The following ATXN7L1 variants were observed in gnomAD, a reference collection of about 807,000 sequenced individuals.
ATXN7L1 encodes ataxin-7-like protein 1.
ATXN7L1 carries 15 observed loss-of-function variants against 70.8 expected under a neutral mutation model. That is an observed-to-expected ratio of 0.21 (90% CI 0.14 to 0.33). The LOEUF is 0.33. Ranked by LOEUF, ATXN7L1 falls within the 10% of genes least tolerant of loss-of-function variation. ATXN7L1 has a pLI of 1.00. For missense variants in ATXN7L1, 975 were observed against 1,097.1 expected, an observed-to-expected ratio of 0.89 and a Z score of 1.57; for synonymous variants, 440 against 445.1, an observed-to-expected ratio of 0.99 and a Z score of 0.14.
chr7:105,687,497 A>C (rs1286711384), intron 3 of ATXN7L1, among the ~76,000 whole-genome samples: 1 of 152,220 alleles, frequency 6.6e-6, no homozygotes, highest in Non-Finnish European at 1.5e-5. Context: ...GGTGGATCAC[A>C]TGAAGAGGCG....
intron 5 of ATXN7L1, among the ~76,000 whole-genome samples, chr7:105,641,210 CTCTCTTTTTTTTTTTTTTTTTTTTTT>C (rs898946324): frequency 3.3e-5 from 2 of 60,632 alleles, no homozygotes; most frequent in African/African-American, 1.3e-4. Flanking sequence ...CTCTCTCTCT[CTCTCTTTTTTTTTTTTTTTTTTTTTT>C]TTTTTTTTAG....
chr7:105,785,961 G>T (rs562964988), intron 3 of ATXN7L1, among the ~76,000 whole-genome samples: 7 of 152,310 alleles, frequency 4.6e-5, no homozygotes, highest in East Asian at 1.9e-4. Context: ...AGCCTGAACT[G>T]ACTTAGACAA....
chr7:105,754,412 T>C (rs942181404), intron 3 of ATXN7L1, among the ~76,000 whole-genome samples: 14 of 152,060 alleles, frequency 9.2e-5, no homozygotes, highest in African/African-American at 3.4e-4. Flanking sequence ...TTTTTTTTTT[T>C]TAAGAGACAG....
intron 3 of ATXN7L1, among the ~76,000 whole-genome samples, chr7:105,697,644 A>C (rs541058239): frequency 1.6e-4 from 24 of 152,274 alleles, no homozygotes; most frequent in Non-Finnish European, 2.9e-4. Flanking sequence ...AAGAGATTAA[A>C]GCAAAGACAG....
intron 3 of ATXN7L1, among the ~76,000 whole-genome samples, chr7:105,727,777 TACACACACATAC>T (rs1796074867): frequency 5.5e-5 from 5 of 90,174 alleles, no homozygotes; most frequent in South Asian, 3.9e-4. Context: ...TATATATATA[TACACACACATAC>T]ACACATATAT....
At chr7:105,662,539 G>A (rs1801880252) in intron 4 of ATXN7L1, among the ~76,000 whole-genome samples, 1 of 152,168 alleles carries the variant, frequency 6.6e-6, no homozygotes, top group Non-Finnish European at 1.5e-5. Context: ...TTTGCCTTTT[G>A]GGCGAGTGCT....
rs376227271 is a variant in ATXN7L1, at chr7:105,645,807, C to T, written c.579-2686G>A. ...CAGCCTGGGAGACAGAGTGAGACGC[C>T]ACCACAAACAAACAAACAAACAAAC... is the stretch of plus-strand genomic sequence containing the variant. On this transcript the variant is annotated intron_variant, in intron 4 of 11. Coordinates refer to ENST00000419735, the MANE Select transcript of ATXN7L1 (RefSeq NM_020725.2). 3.1e-5 allele frequency among the ~76,000 whole-genome samples: 4 copies of T among 128,312 alleles called. 1 individual carries two copies. Among genetic ancestry groups the T allele is most frequent in the African/African-American group, 1.3e-4 (4 of 31,924 alleles). The allele number at this position is 128,312 out of a possible 152,430, so 84.2% of individuals were successfully genotyped here. A position where few individuals can be genotyped will look rare whatever the true frequency, so the allele number is the denominator to read the frequency against.
chr7:105,650,047 C>T (rs1482630550), intron 4 of ATXN7L1, among the ~76,000 whole-genome samples: 1 of 152,176 alleles, frequency 6.6e-6, no homozygotes, highest in African/African-American at 2.4e-5. Flanking sequence ...TTAAAATGCC[C>T]TTGGAGAAGG....
intron 3 of ATXN7L1, chr7:105,788,333 G>A (rs1194707869): frequency 1.3e-5 from 5 of 375,024 alleles, no homozygotes; most frequent in Admixed American, 7.3e-5. Flanking sequence ...AGAGGCCATC[G>A]CTAGGCTGGG....
intron 5 of ATXN7L1, among the ~76,000 whole-genome samples, chr7:105,640,314 A>C (rs1226097391): frequency 1.3e-5 from 2 of 152,060 alleles, no homozygotes; most frequent in Non-Finnish European, 2.9e-5. Flanking sequence ...TTCACGTGGG[A>C]ATAAAACGGG....
chr7:105,614,516 C>G lies in ATXN7L1; in HGVS notation c.1818G>C (p.Pro606=), dbSNP rs372550471. ...ATGGGGAAGGGATGACGGCTGGTAT[C>G]GGGGACACGGCGGATGGGGCCTTGA... ...STFKAPSAVS[P]IPAVIPSPSH... is the part of the protein sequence containing the mutation. Residue 606 remains proline, a synonymous_variant, in exon 10 of 12, where the codon CCG becomes CCC. Transcript: ENST00000419735. The surrounding 1 kb of genome is among the most constrained non-coding windows in gnomAD (Gnocchi z 4.3). The G allele has an allele frequency of 2.6e-6, 4 of 1,533,478 alleles. No homozygotes were observed. In the East Asian group the frequency reaches 9.8e-5, roughly 38 times the overall value. 95.0% of individuals were successfully genotyped at this position (1,533,478 alleles called of 1,614,324 possible).
chr7:105,615,074 G>T (rs1217314792), intron 9 of ATXN7L1, among the ~76,000 whole-genome samples: 1 of 152,068 alleles, frequency 6.6e-6, no homozygotes, highest in African/African-American at 2.4e-5. Flanking sequence ...TACTGGAGAA[G>T]GCCTGATTTG....
At chr7:105,756,816 A>T (rs1799859181) in intron 3 of ATXN7L1, among the ~76,000 whole-genome samples, 1 of 152,230 alleles carries the variant, frequency 6.6e-6, no homozygotes, top group Admixed American at 6.5e-5. Flanking sequence ...GATGACCTCC[A>T]GGTACCTGCA....
chr7:105,819,922 G>A (rs772222745), intron 2 of ATXN7L1: 1 of 513,742 alleles, frequency 1.9e-6, no homozygotes, highest in Non-Finnish European at 3.8e-6. Context: ...GGCTCACGAG[G>A]TTTGCTGTAA....
At chr7:105,626,310 G>A (rs1795685969) in intron 7 of ATXN7L1, among the ~76,000 whole-genome samples, 1 of 152,208 alleles carries the variant, frequency 6.6e-6, no homozygotes, top group South Asian at 2.1e-4. Context: ...CCACTTACAT[G>A]AGATACCTAG....
rs528839935 is a variant in ATXN7L1, at chr7:105,710,579, T to A, written c.356-45291A>T. ...CCTGCCACCACGTCTGGCTAATTTTTTTTGTATTTTTTTAGTAGAGATGTG... is the reference window on the plus strand; with the variant it reads ...CCTGCCACCACGTCTGGCTAATTTTATTTGTATTTTTTTAGTAGAGATGTG... On this transcript the variant is annotated intron_variant, in intron 3 of 11. Coordinates refer to ENST00000419735, the MANE Select transcript of ATXN7L1 (RefSeq NM_020725.2). Among the ~76,000 whole-genome samples the A allele has an allele frequency of 2.4e-3, 371 of 152,024 alleles. 3 individuals are homozygous for A. The highest frequency in any genetic ancestry group is 8.4e-3 in the African/African-American group (350 of 41,440).
chr7:105,648,376 T>G (rs1465602333), intron 4 of ATXN7L1, among the ~76,000 whole-genome samples: 1 of 152,064 alleles, frequency 6.6e-6, no homozygotes, highest in African/African-American at 2.4e-5. Flanking sequence ...TGAGTGATGG[T>G]GGGAAAGGCA....
chr7:105,615,978 A>G (rs866322185), intron 9 of ATXN7L1, among the ~76,000 whole-genome samples: 1 of 152,196 alleles, frequency 6.6e-6, no homozygotes, highest in Non-Finnish European at 1.5e-5. Context: ...GGGAGGAGGC[A>G]CACGGCCACA....
chr7:105,765,293 C>T (rs192722147), intron 3 of ATXN7L1, among the ~76,000 whole-genome samples: 132 of 149,868 alleles, frequency 8.8e-4, no homozygotes, highest in African/African-American at 3.2e-3. Context: ...GAGGTGGCGC[C>T]ACTGCACTCC....
Sources: allele counts gnomAD v4.1 joint callset (sites outside exome capture counted in the v4.1 genomes callset), GRCh38; gene constraint gnomAD v4.1.1; non-coding constraint Gnocchi (gnomAD v3.1); transcripts MANE v1.5; gene names NCBI Gene and HGNC (gene_info 2026-07-23, HGNC 2026-07-21).